The following TIAM1 variants were observed in gnomAD, a reference collection of about 807,000 sequenced individuals.
TIAM1 encodes the protein rho guanine nucleotide exchange factor TIAM1.
Under a neutral mutation model 163.5 loss-of-function variants are expected in TIAM1, and 65 were observed. That is an observed-to-expected ratio of 0.40 (90% CI 0.33 to 0.49). The LOEUF is 0.49. Among genes scored for constraint, TIAM1 ranks in the 20% least tolerant of loss-of-function variants. The probability of loss-of-function intolerance (pLI) is 0.77; values close to 1 mark genes in which losing one functional copy is unlikely to be tolerated. For missense variants in TIAM1, 1,789 were observed against 2,044.7 expected (o/e 0.87, Z 2.41); for synonymous variants, 833 against 810.1 (o/e 1.03, Z -0.48).
chr21:31,388,489 G>A (rs372627208), intron 2 of TIAM1, among the ~76,000 whole-genome samples: 1 of 150,218 alleles, frequency 6.7e-6, no homozygotes, highest in Non-Finnish European at 1.5e-5. Context: ...AAAAATAAAT[G>A]AAATAAAATA....
chr21:31,543,353 C>T (rs2048380254), intron 1 of TIAM1, among the ~76,000 whole-genome samples: 1 of 152,238 alleles, frequency 6.6e-6, no homozygotes, highest in African/African-American at 2.4e-5. Flanking sequence ...GTACAGACTG[C>T]TGAGTTACAA....
chr21:31,428,263 A>C (rs2043871113), intron 2 of TIAM1, among the ~76,000 whole-genome samples: 1 of 152,178 alleles, frequency 6.6e-6, no homozygotes, highest in Non-Finnish European at 1.5e-5. Flanking sequence ...CTCAACAAAA[A>C]AAAGAAAGAA....
At chr21:31,451,102 G>A (rs574127) in intron 2 of TIAM1, among the ~76,000 whole-genome samples, 33,944 of 151,710 alleles carry the variant, frequency 0.22, 3,944 homozygotes, top group South Asian at 0.28. Flanking sequence ...GATGGATATG[G>A]CTGAGGTCCC....
chr21:31,236,103 T>C (rs1199882022), intron 6 of TIAM1, among the ~76,000 whole-genome samples: 4 of 152,196 alleles, frequency 2.6e-5, no homozygotes, highest in Non-Finnish European at 5.9e-5. Context: ...GTACCAGCTA[T>C]TCAGTGTCAA....
chr21:31,307,059 C>T (rs2146974406), intron 2 of TIAM1, among the ~76,000 whole-genome samples: 1 of 152,232 alleles, frequency 6.6e-6, no homozygotes, highest in South Asian at 2.1e-4. Flanking sequence ...AAAACAAAAA[C>T]AAAATCTCAA....
chr21:31,167,194 T>C (rs961196549), intron 15 of TIAM1, among the ~76,000 whole-genome samples: 2 of 148,746 alleles, frequency 1.3e-5, no homozygotes, highest in African/African-American at 5.1e-5. Flanking sequence ...TGGGTTCAAG[T>C]GATTCTCCTG....
At chr21:31,510,205 C>G (rs1008119646) in intron 1 of TIAM1, among the ~76,000 whole-genome samples, 2 of 152,176 alleles carry the variant, frequency 1.3e-5, no homozygotes, top group Non-Finnish European at 2.9e-5. Context: ...AGTCCGCGAC[C>G]AAAGGGCCAG....
At chr21:31,555,770 C>CT (rs1416094868) in intron 1 of TIAM1, among the ~76,000 whole-genome samples, 1 of 152,178 alleles carries the variant, frequency 6.6e-6, no homozygotes, top group Non-Finnish European at 1.5e-5. Context: ...CGTGTTTCTC[C>CT]TTTAGACAGT....
chr21:31,356,010 T>G (rs1371151024), intron 2 of TIAM1, among the ~76,000 whole-genome samples: 1 of 152,160 alleles, frequency 6.6e-6, no homozygotes, highest in African/African-American at 2.4e-5. Context: ...TCATACGTGG[T>G]AGACTCTCAA....
intron 1 of TIAM1, among the ~76,000 whole-genome samples, chr21:31,494,991 G>C (rs779143323): frequency 1.3e-5 from 2 of 152,204 alleles, no homozygotes; most frequent in Non-Finnish European, 2.9e-5. Flanking sequence ...GAAGTACTTA[G>C]GCAGCAAAGG....
chr21:31,199,296 C>G lies in TIAM1; in HGVS notation c.2493+3612G>C, dbSNP rs564673340. On this transcript the variant is annotated intron_variant, in intron 12 of 27. Transcript: ENST00000541036. ...GCTCATCTTCTCATGCCCTATGGGC[C>G]CACTCATCTGCCATAGTGAGCCTTT... 1.2e-4 allele frequency among the ~76,000 whole-genome samples: 19 copies of G among 152,224 alleles called. No homozygotes were observed. The South Asian group carries it at 3.7e-3, about 30-fold the overall frequency.
chr21:31,212,984 A>G (rs2833339), intron 10 of TIAM1: 15,229 of 158,852 alleles, frequency 0.096, 2,396 homozygotes, highest in African/African-American at 0.34. Context: ...ACACGCTATC[A>G]GAACAGTTCT....
chr21:31,510,598 A>C (rs2047180929), intron 1 of TIAM1, among the ~76,000 whole-genome samples: 1 of 152,202 alleles, frequency 6.6e-6, no homozygotes, highest in South Asian at 2.1e-4. Flanking sequence ...GGATTGCCTG[A>C]GGTCAGGAGT....
chr21:31,554,451 T>A (rs996981210), intron 1 of TIAM1, among the ~76,000 whole-genome samples: 1 of 152,118 alleles, frequency 6.6e-6, no homozygotes, highest in African/African-American at 2.4e-5. Context: ...AAAACATCCA[T>A]ATTATACTTC....
chr21:31,253,727 A>T (rs2071943358), intron 4 of TIAM1, among the ~76,000 whole-genome samples: 2 of 152,184 alleles, frequency 1.3e-5, no homozygotes, highest in Non-Finnish European at 2.9e-5. Flanking sequence ...CCACGAATGC[A>T]GCTCAGATGC....
At chr21:31,500,290 C>T (rs1475688304) in intron 1 of TIAM1, among the ~76,000 whole-genome samples, 1 of 152,216 alleles carries the variant, frequency 6.6e-6, no homozygotes, top group African/African-American at 2.4e-5. Context: ...TGACAGGCAG[C>T]ATATGACTGG....
intron 1 of TIAM1, among the ~76,000 whole-genome samples, chr21:31,517,065 A>T (rs2047408574): frequency 6.6e-6 from 1 of 150,962 alleles, no homozygotes; most frequent in Non-Finnish European, 1.5e-5. Context: ...AAAAAAAAAA[A>T]AGAAAAGAAA....
chr21:31,336,985 T>C (rs112939908), intron 2 of TIAM1, among the ~76,000 whole-genome samples: 6 of 152,166 alleles, frequency 3.9e-5, no homozygotes, highest in African/African-American at 1.4e-4. Context: ...GGGGCAAGTA[T>C]AAAGAGAATC....
At chr21:31,553,852 T>A (rs760101777) in intron 1 of TIAM1, among the ~76,000 whole-genome samples, 7 of 152,080 alleles carry the variant, frequency 4.6e-5, no homozygotes, top group Non-Finnish European at 1.5e-5. Flanking sequence ...TCACCCCATT[T>A]CCATGGTCCT....
Sources: allele counts gnomAD v4.1 joint callset (sites outside exome capture counted in the v4.1 genomes callset), GRCh38; gene constraint gnomAD v4.1.1; transcripts MANE v1.5; gene names NCBI Gene and HGNC (gene_info 2026-07-23, HGNC 2026-07-21).